SAMMSON: variants seen among roughly 807,000 people sequenced by gnomAD.
The protein encoded by SAMMSON is long intergenic non-protein coding RNA 1212.
intron 3 of SAMMSON, among the ~76,000 whole-genome samples, chr3:70,023,319 G>A (rs959939257): frequency 5.9e-5 from 9 of 152,028 alleles, no homozygotes; most frequent in Admixed American, 5.2e-4. Flanking sequence ...AAATTAGCCA[G>A]GCGTGGTGGC....
intron 6 of SAMMSON, among the ~76,000 whole-genome samples, chr3:70,261,828 G>A (rs1443165344): frequency 6.6e-6 from 1 of 152,118 alleles, no homozygotes; most frequent in East Asian, 1.9e-4. Context: ...ACTAGGATGT[G>A]ACTGGAACCT....
At chr3:70,223,190 A>G (rs114337244) in intron 4 of SAMMSON, among the ~76,000 whole-genome samples, 616 of 152,264 alleles carry the variant, frequency 4.0e-3, no homozygotes, top group African/African-American at 0.014. Flanking sequence ...TGTGAAAGTG[A>G]CACTTTTTGT....
At chr3:70,093,468 G>C (rs1202729406) in intron 4 of SAMMSON, among the ~76,000 whole-genome samples, 2 of 152,194 alleles carry the variant, frequency 1.3e-5, no homozygotes, top group East Asian at 3.9e-4. Flanking sequence ...AGGCAACTTG[G>C]TTGTTTGTAG....
At chr3:70,310,931 A>T (rs1386429255) in intron 7 of SAMMSON, among the ~76,000 whole-genome samples, 1 of 152,178 alleles carries the variant, frequency 6.6e-6, no homozygotes, top group Non-Finnish European at 1.5e-5. Flanking sequence ...TAGGCAAGTT[A>T]CTAGAACTCT....
chr3:70,214,762 T>A (rs1701389663), intron 4 of SAMMSON, among the ~76,000 whole-genome samples: 1 of 152,074 alleles, frequency 6.6e-6, no homozygotes, highest in East Asian at 1.9e-4. Flanking sequence ...TAAGAGATAG[T>A]TGAATCTTCT....
At chr3:70,332,139 A>C (rs1312745283) in intron 7 of SAMMSON, among the ~76,000 whole-genome samples, 1 of 152,252 alleles carries the variant, frequency 6.6e-6, no homozygotes, top group African/African-American at 2.4e-5. Flanking sequence ...ACAACTAAGC[A>C]GATATATTAG....
intron 4 of SAMMSON, chr3:70,204,618 C>T (rs1701273196): frequency 6.6e-6 from 1 of 151,558 alleles, no homozygotes; most frequent in Admixed American, 6.6e-5. Flanking sequence ...CATGGATCTC[C>T]TTTGCTCTTT....
chr3:70,312,675 C>T (rs1702464552), intron 7 of SAMMSON: 1 of 152,082 alleles, frequency 6.6e-6, no homozygotes, highest in African/African-American at 2.4e-5. Context: ...AAATACACTC[C>T]CTCCCGGGGT....
intron 4 of SAMMSON, among the ~76,000 whole-genome samples, chr3:70,235,336 A>G (rs1003934570): frequency 6.6e-6 from 1 of 152,080 alleles, no homozygotes; most frequent in Admixed American, 6.6e-5. Context: ...TCCATCTTCA[A>G]ATTCCTCTGG....
chr3:70,202,505 C>A (rs2106721031), intron 4 of SAMMSON, among the ~76,000 whole-genome samples: 1 of 152,228 alleles, frequency 6.6e-6, no homozygotes, highest in South Asian at 2.1e-4. Flanking sequence ...GTCACAAGTT[C>A]TTTGTATATT....
intron 3 of SAMMSON, among the ~76,000 whole-genome samples, chr3:70,039,600 C>CACAG (rs1425156616): frequency 1.4e-4 from 4 of 27,986 alleles, no homozygotes; most frequent in African/African-American, 4.1e-4. Context: ...TCTTCACACA[C>CACAG]ACACACACAC....
intron 9 of SAMMSON, among the ~76,000 whole-genome samples, chr3:70,380,010 T>C (rs1339825568): frequency 6.6e-6 from 1 of 152,114 alleles, no homozygotes; most frequent in Non-Finnish European, 1.5e-5. Flanking sequence ...AATTTTTTCA[T>C]ATTAATAAAA....
chr3:70,153,617 T>C (rs2067580242), intron 4 of SAMMSON, among the ~76,000 whole-genome samples: 1 of 152,070 alleles, frequency 6.6e-6, no homozygotes, highest in South Asian at 2.1e-4. Flanking sequence ...CAGGGAAAAC[T>C]ACATTTAACT....
chr3:70,006,581 G>T (rs2066927402), intron 1 of SAMMSON, among the ~76,000 whole-genome samples: 2 of 152,140 alleles, frequency 1.3e-5, no homozygotes, highest in South Asian at 4.1e-4. Flanking sequence ...TCTCAAAAGG[G>T]AATAAAACCA....
intron 9 of SAMMSON, among the ~76,000 whole-genome samples, chr3:70,383,906 A>G (rs1703096293): frequency 6.6e-6 from 1 of 152,028 alleles, no homozygotes; most frequent in Admixed American, 6.6e-5. Context: ...TTTCACCTCT[A>G]ACAATTTGTT....
At chr3:70,210,601 A>G (rs866559055) in intron 4 of SAMMSON, among the ~76,000 whole-genome samples, 6 of 152,180 alleles carry the variant, frequency 3.9e-5, no homozygotes, top group African/African-American at 1.2e-4. Context: ...AAGTAGAAAC[A>G]TAAAAAGTAG....
chr3:70,091,295 C>T (rs1048849287), intron 4 of SAMMSON, among the ~76,000 whole-genome samples: 6 of 152,074 alleles, frequency 3.9e-5, no homozygotes, highest in African/African-American at 1.2e-4. Flanking sequence ...GGGTCGCAGC[C>T]GCCTTTCACA....
chr3:70,274,492 G>C (rs1702003450), intron 6 of SAMMSON, among the ~76,000 whole-genome samples: 1 of 152,124 alleles, frequency 6.6e-6, no homozygotes, highest in African/African-American at 2.4e-5. Flanking sequence ...TTAATGTTAA[G>C]TTGACTGAAG....
intron 4 of SAMMSON, among the ~76,000 whole-genome samples, chr3:70,166,185 G>C (rs2067636178): frequency 6.6e-6 from 1 of 151,970 alleles, no homozygotes; most frequent in Non-Finnish European, 1.5e-5. Flanking sequence ...TTCCAGCTCT[G>C]CAGTATGATA....
Sources: gnomAD v4.1 joint callset for allele counts (sites outside exome capture counted in the v4.1 genomes callset) on GRCh38, gnomAD v4.1.1 for gene constraint, MANE v1.5 for transcripts, NCBI Gene and HGNC (gene_info 2026-07-23, HGNC 2026-07-21) for gene names.